The following DENND1A variants were observed in gnomAD, a reference collection of about 807,000 sequenced individuals.
DENND1A encodes DENN domain-containing protein 1A.
Under a neutral mutation model 113.7 loss-of-function variants are expected in DENND1A, and 51 were observed. The ratio of observed to expected loss-of-function variants is 0.45; its 90% confidence interval spans 0.36 to 0.57. DENND1A has a LOEUF of 0.57. Among genes scored for constraint, DENND1A ranks in the 20% least tolerant of loss-of-function variants. The pLI, the probability that DENND1A is intolerant of heterozygous loss-of-function variation, is 0.00. For synonymous variants in DENND1A, 565 were observed against 570.8 expected (o/e 0.99, Z 0.14); for missense variants, 1,258 against 1,395.9 (o/e 0.90, Z 1.57).
intron 19 of DENND1A, among the ~76,000 whole-genome samples, chr9:123,412,480 A>G (rs1217185091): frequency 5.3e-5 from 8 of 152,222 alleles, no homozygotes; most frequent in South Asian, 2.1e-4. Context: ...TTACAGGTCT[A>G]TCTCCAAGGG....
intron 10 of DENND1A, among the ~76,000 whole-genome samples, chr9:123,621,454 G>A (rs1238313388): frequency 6.6e-6 from 1 of 152,112 alleles, no homozygotes; most frequent in Non-Finnish European, 1.5e-5. Context: ...CCAAAGTGCT[G>A]GGATATAGGT....
chr9:123,454,588 T>A, intron 16 of DENND1A, 151 bp downstream of exon 16: 2 of 790,196 alleles, frequency 2.5e-6, no homozygotes, highest in South Asian at 3.3e-5. Flanking sequence ...AGTCTCCATC[T>A]GGCATGAGAA....
chr9:123,505,728 C>T (rs1227388581), intron 13 of DENND1A, among the ~76,000 whole-genome samples: 1 of 152,078 alleles, frequency 6.6e-6, no homozygotes, highest in East Asian at 1.9e-4. Context: ...CACAACCGTT[C>T]CACTTAAAAG....
chr9:123,888,582 C>A (rs1186015225), intron 1 of DENND1A, among the ~76,000 whole-genome samples: 1 of 152,134 alleles, frequency 6.6e-6, no homozygotes, highest in Non-Finnish European at 1.5e-5. Context: ...ATATTCCTGT[C>A]GGAGATGCTA....
chr9:123,671,154 C>T, intron 7 of DENND1A, 137 bp downstream of exon 7: 2 of 960,288 alleles, frequency 2.1e-6, no homozygotes, highest in Non-Finnish European at 3.3e-6. Flanking sequence ...CTATCTTGAA[C>T]TCAGAGGTCT....
At chr9:123,648,616 A>C (rs1206578507) in intron 9 of DENND1A, among the ~76,000 whole-genome samples, 1 of 152,160 alleles carries the variant, frequency 6.6e-6, no homozygotes, top group Non-Finnish European at 1.5e-5. Context: ...TCAGTCAGAG[A>C]AAAGTATCTT....
At chr9:123,398,581 G>A (rs1002272672) in intron 21 of DENND1A, among the ~76,000 whole-genome samples, 2 of 151,932 alleles carry the variant, frequency 1.3e-5, no homozygotes, top group Admixed American at 1.3e-4. Flanking sequence ...GTTTCACTGT[G>A]TTAGCCAGGA....
chr9:123,713,835 A>G (rs2066795575), intron 5 of DENND1A, among the ~76,000 whole-genome samples: 2 of 152,240 alleles, frequency 1.3e-5, no homozygotes, highest in Non-Finnish European at 2.9e-5. Flanking sequence ...ACTGAAATTC[A>G]GAGGTGAAAT....
At chr9:123,588,885 C>T (rs533858866) in intron 11 of DENND1A, among the ~76,000 whole-genome samples, 8 of 151,740 alleles carry the variant, frequency 5.3e-5, no homozygotes, top group Non-Finnish European at 7.4e-5. Flanking sequence ...CTTATGCCTC[C>T]GCCTCCTGAG....
At chr9:123,591,195 T>G (rs948397088) in intron 11 of DENND1A, among the ~76,000 whole-genome samples, 1 of 152,196 alleles carries the variant, frequency 6.6e-6, no homozygotes, top group African/African-American at 2.4e-5. Context: ...ATGAAAACAA[T>G]GGGATTTCCT....
chr9:123,475,483 C>A (rs559064183), intron 13 of DENND1A, among the ~76,000 whole-genome samples: 5 of 152,198 alleles, frequency 3.3e-5, no homozygotes, highest in Admixed American at 6.5e-5. Context: ...CACACTGTGT[C>A]GAGGGACAGA....
chr9:123,788,761 T>A (rs1432532212), intron 3 of DENND1A, among the ~76,000 whole-genome samples: 3 of 152,048 alleles, frequency 2.0e-5, no homozygotes, highest in Non-Finnish European at 4.4e-5. Context: ...AAAGTTACAG[T>A]AAGAGACTGA....
intron 13 of DENND1A, among the ~76,000 whole-genome samples, chr9:123,531,554 TAC>T (rs57819030): frequency 0.048 from 4,954 of 102,894 alleles, 86 homozygotes; most frequent in East Asian, 0.095. Context: ...CCTCTCTCTC[TAC>T]ACACACACAC....
intron 19 of DENND1A, among the ~76,000 whole-genome samples, chr9:123,431,497 A>T (rs1222950668): frequency 6.6e-6 from 1 of 152,232 alleles, no homozygotes; most frequent in Non-Finnish European, 1.5e-5. Context: ...ACAACCCAGG[A>T]AACTGCCATG....
At chr9:123,534,492 A>AT (rs1440861941) in intron 13 of DENND1A, among the ~76,000 whole-genome samples, 4 of 152,280 alleles carry the variant, frequency 2.6e-5, no homozygotes, top group Non-Finnish European at 5.9e-5. Flanking sequence ...TGATAAGAAC[A>AT]TTTTTTGTGT....
At chr9:123,529,808 G>A (rs2055148401) in intron 13 of DENND1A, among the ~76,000 whole-genome samples, 1 of 152,108 alleles carries the variant, frequency 6.6e-6, no homozygotes, top group Admixed American at 6.6e-5. Context: ...ACTATGCTAG[G>A]GTTTTAACTT....
intron 2 of DENND1A, among the ~76,000 whole-genome samples, chr9:123,804,828 C>G (rs1249656191): frequency 1.3e-5 from 2 of 152,170 alleles, no homozygotes; most frequent in East Asian, 3.9e-4. Flanking sequence ...GATTAACTAC[C>G]AATAGCTTCC....
chr9:123,630,262 A>T, intron 10 of DENND1A, 114 bp downstream of exon 10: 1 of 156,206 alleles, frequency 6.4e-6, no homozygotes, highest in Non-Finnish European at 1.2e-5. Context: ...TCCAGGCTGG[A>T]TGAAGTTAAT....
In DENND1A at chr9:123,457,910, G is replaced by T. The variant is rs753474277; in HGVS notation, c.994-13C>A. On this transcript the variant is annotated splice_polypyrimidine_tract_variant and intron_variant, in intron 13 of 23. Transcript: ENST00000394215. ...TGATCGGCTCCTCCTGGGAAGTGCA[G>T]AGGGGAGAGGTGGGTCAGTGGCACG... 4.4e-6 allele frequency: 7 copies of T among 1,600,182 alleles called. No individual in the cohort carries two copies. The highest frequency in any genetic ancestry group is 5.1e-6 in the Non-Finnish European group (6 of 1,172,412).
Sources: gnomAD v4.1 joint callset for allele counts (sites outside exome capture counted in the v4.1 genomes callset) on GRCh38, gnomAD v4.1.1 for gene constraint, MANE v1.5 for transcripts, NCBI Gene and HGNC (gene_info 2026-07-23, HGNC 2026-07-21) for gene names.